Variants in RABEPK observed in about 807,000 individuals in gnomAD.
The protein encoded by RABEPK is Rab9 effector protein with kelch motifs.
Under a neutral mutation model 34.1 loss-of-function variants are expected in RABEPK, and 27 were observed. The observed-to-expected ratio is 0.79, with a 90% confidence interval of 0.58 to 1.09. The LOEUF (loss-of-function observed/expected upper bound fraction) is 1.09, where lower values mean the gene tolerates loss of function less well. Ranked by LOEUF, RABEPK falls within the 50% of genes least tolerant of loss-of-function variation. The pLI is 0.00. For missense variants in RABEPK, 449 were observed against 462.6 expected (o/e 0.97, Z 0.27); for synonymous variants, 172 against 169.2 (o/e 1.02, Z -0.13).
intron 3 of RABEPK, among the ~76,000 whole-genome samples, chr9:125,210,962 G>T (rs2131380329): frequency 6.7e-6 from 1 of 148,992 alleles, no homozygotes; most frequent in South Asian, 2.1e-4. Context: ...GCCGGGCATG[G>T]TGGCTCACCA....
intron 6 of RABEPK, among the ~76,000 whole-genome samples, chr9:125,232,061 G>A (rs1228221978): frequency 2.0e-5 from 3 of 151,624 alleles, no homozygotes; most frequent in African/African-American, 7.3e-5. Context: ...CACCATGCCT[G>A]GCTAATTTTG....
chr9:125,220,757 C>G (rs1156762689), intron 5 of RABEPK, 57 bp downstream of exon 5: 160 of 1,533,980 alleles, frequency 1.0e-4, no homozygotes, highest in Non-Finnish European at 1.4e-4. Context: ...TACACATTAC[C>G]TAATATAGGA....
chr9:125,205,258 A>G (rs1057361318), intron 2 of RABEPK, among the ~76,000 whole-genome samples: 6 of 152,088 alleles, frequency 3.9e-5, no homozygotes, highest in Non-Finnish European at 7.4e-5. Flanking sequence ...CTCATACTAT[A>G]TATTCTGTAC....
intron 2 of RABEPK, among the ~76,000 whole-genome samples, chr9:125,206,733 G>C (rs1008342322): frequency 6.6e-6 from 1 of 152,126 alleles, no homozygotes; most frequent in Non-Finnish European, 1.5e-5. Context: ...CATTTATTGA[G>C]TCCTTCCCTG....
In RABEPK at chr9:125,200,574, G is replaced by A. The variant is rs1002325857; in HGVS notation, c.-339G>A. 1.7e-5 allele frequency: 7 copies of A among 408,552 alleles called. No homozygotes were observed. The East Asian group carries it at 5.1e-4, about 30-fold the overall frequency. 25.3% of individuals were successfully genotyped at this position (408,552 alleles called of 1,614,324 possible). A position where few individuals can be genotyped will look rare whatever the true frequency, so the allele number is the denominator to read the frequency against. On this transcript the variant is annotated 5_prime_UTR_variant, in exon 1 of 8. Transcript: ENST00000373538. Reference sequence around the variant, plus strand: ...CGGCTCGCGACTGGCCTAAGTCGCCGCAGGTATTGCAGTCCGGGGCTGGAG... The same window carrying A: ...CGGCTCGCGACTGGCCTAAGTCGCCACAGGTATTGCAGTCCGGGGCTGGAG...
chr9:125,218,321 C>CAAA (rs71374234), intron 4 of RABEPK, among the ~76,000 whole-genome samples: 22,535 of 41,144 alleles, frequency 0.55, 7,735 homozygotes, highest in Non-Finnish European at 0.62. Context: ...GACTCCGTCT[C>CAAA]AAAAAAAAAA....
intron 1 of RABEPK, among the ~76,000 whole-genome samples, chr9:125,201,981 CT>C (rs1197829335): frequency 6.6e-6 from 1 of 150,448 alleles, no homozygotes; most frequent in East Asian, 2.0e-4. Context: ...AATCCCAGCA[CT>C]TTGGGAGGCC....
At chr9:125,223,631 T>C (rs1831515877) in intron 5 of RABEPK, among the ~76,000 whole-genome samples, 2 of 149,692 alleles carry the variant, frequency 1.3e-5, no homozygotes, top group African/African-American at 4.9e-5. Context: ...CTCAGGAGGC[T>C]GGAGGACCGC....
In RABEPK at chr9:125,220,522, C is replaced by T; in HGVS notation, c.365-17C>T. The stretch of plus-strand genomic sequence containing the variant: ...TCTACCTGGATATTTTAAGTGCCTG[C>T]ATTCTCTCTGGCCCAGAAACCAGGA... On this transcript the variant is annotated splice_polypyrimidine_tract_variant and intron_variant, in intron 4 of 7. Coordinates refer to ENST00000373538, the MANE Select transcript of RABEPK (RefSeq NM_005833.4). The T allele has an allele frequency of 6.2e-7, 1 of 1,607,602 alleles. No homozygotes were observed.
intron 7 of RABEPK, among the ~76,000 whole-genome samples, chr9:125,233,076 C>CA (rs760554134): frequency 0.025 from 1,586 of 64,526 alleles, 11 homozygotes; most frequent in Middle Eastern, 0.052. Context: ...GACTCTGTCT[C>CA]AAAAAAAAAA....
At chr9:125,213,802 T>A (rs1256502263) in intron 4 of RABEPK, among the ~76,000 whole-genome samples, 1 of 152,112 alleles carries the variant, frequency 6.6e-6, no homozygotes, top group Non-Finnish European at 1.5e-5. Context: ...CTACTCAGGT[T>A]TATCAAGGGC....
chr9:125,232,901 C>A (rs1036074030), intron 7 of RABEPK, among the ~76,000 whole-genome samples, 156 bp downstream of exon 7: 1 of 152,060 alleles, frequency 6.6e-6, no homozygotes, highest in Non-Finnish European at 1.5e-5. Flanking sequence ...CATGGTGAAA[C>A]CCCATCTCTA....
In RABEPK at chr9:125,228,065, C is replaced by A. The variant is rs1831894409; in HGVS notation, c.676+6C>A. 6.5e-7 allele frequency: 1 copy of A among 1,534,762 alleles called. No individual in the cohort carries two copies. Among genetic ancestry groups the A allele is most frequent in the South Asian group, 1.2e-5 (1 of 80,092 alleles). On this transcript the variant is annotated splice_donor_region_variant and intron_variant, in intron 6 of 7. Transcript: ENST00000373538. ...CCTCCACTGCATTGATATAAGTAAG[C>A]AGGGCATGGGGGCTTGTCTGTTTAA...
At chr9:125,231,770 C>CG (rs932066629) in intron 6 of RABEPK, among the ~76,000 whole-genome samples, 7 of 147,090 alleles carry the variant, frequency 4.8e-5, no homozygotes, top group African/African-American at 7.5e-5. Flanking sequence ...GGCAACAGAG[C>CG]GGAAAAAAAA....
At chr9:125,216,400 C>G (rs191961924) in intron 4 of RABEPK, among the ~76,000 whole-genome samples, 202 of 150,430 alleles carry the variant, frequency 1.3e-3, no homozygotes, top group African/African-American at 4.2e-3. Context: ...GAGTATTGCC[C>G]GATAAAAAAA....
intron 7 of RABEPK, among the ~76,000 whole-genome samples, chr9:125,233,337 T>G (rs910355049): frequency 3.6e-5 from 5 of 138,756 alleles, no homozygotes; most frequent in East Asian, 4.0e-4. Context: ...TTGTTTTTTT[T>G]TTTTTTTTTT....
chr9:125,219,741 A>C (rs1000714595), intron 4 of RABEPK, among the ~76,000 whole-genome samples: 3 of 151,846 alleles, frequency 2.0e-5, no homozygotes, highest in Admixed American at 2.0e-4. Context: ...TTTGTTTCCC[A>C]GTCTGGTCAC....
intron 6 of RABEPK, among the ~76,000 whole-genome samples, chr9:125,230,538 A>ATTTTT (rs35131281): frequency 7.3e-6 from 1 of 137,636 alleles, no homozygotes; most frequent in Non-Finnish European, 1.6e-5. Flanking sequence ...GATGGAAACT[A>ATTTTT]TTTTTTTTTT....
intron 2 of RABEPK, among the ~76,000 whole-genome samples, chr9:125,205,227 C>T (rs912203107): frequency 5.9e-5 from 9 of 152,292 alleles, no homozygotes; most frequent in African/African-American, 2.2e-4. Flanking sequence ...CAGGGTGAGA[C>T]CCTCCTAAGA....
Sources: allele counts gnomAD v4.1 joint callset (sites outside exome capture counted in the v4.1 genomes callset), GRCh38; gene constraint gnomAD v4.1.1; transcripts MANE v1.5; gene names NCBI Gene and HGNC (gene_info 2026-07-23, HGNC 2026-07-21).